Variants in TUSC3 observed in about 807,000 individuals in gnomAD.
The protein encoded by TUSC3 is tumor suppressor candidate 3.
TUSC3 carries 45 observed loss-of-function variants against 44.8 expected under a neutral mutation model. The observed-to-expected ratio is 1.00, with a 90% confidence interval of 0.79 to 1.29. The LOEUF is 1.29. TUSC3 is among the 50% of genes most tolerant of loss of function. TUSC3 has a pLI of 0.00. For synonymous variants in TUSC3, 212 were observed against 152.9 expected (o/e 1.39, Z -2.85); for missense variants, 519 against 437.9 (o/e 1.19, Z -1.65).
the TUSC3 span, among the ~76,000 whole-genome samples, chr8:15,823,032 C>G: frequency 0.14 from 21,408 of 151,960 alleles, 1,668 homozygotes; most frequent in East Asian, 0.25. Flanking sequence ...TTTTTCTTTT[C>G]TAAAGGAAGA....
the TUSC3 span, among the ~76,000 whole-genome samples, chr8:15,786,941 CAAAAAAAA>C: frequency 9.5e-5 from 6 of 63,376 alleles, no homozygotes; most frequent in African/African-American, 3.9e-4. Flanking sequence ...GAGACTCCAT[CAAAAAAAA>C]AAAAAAAAAA....
intron 2 of TUSC3, among the ~76,000 whole-genome samples, chr8:15,534,547 G>A (rs1801495727): frequency 6.6e-6 from 1 of 151,584 alleles, no homozygotes; most frequent in Non-Finnish European, 1.5e-5. Flanking sequence ...GGAGGCTGAG[G>A]CAGGAGAATG....
intron 5 of TUSC3, among the ~76,000 whole-genome samples, chr8:15,668,832 C>T (rs1390929931): frequency 6.6e-6 from 1 of 151,628 alleles, no homozygotes; most frequent in Non-Finnish European, 1.5e-5. Flanking sequence ...CTGTATGAAA[C>T]TTTAGATACC....
chr8:15,445,582 C>T (rs1449039280), intron 1 of TUSC3, among the ~76,000 whole-genome samples: 1 of 152,148 alleles, frequency 6.6e-6, no homozygotes, highest in Non-Finnish European at 1.5e-5. Context: ...GCCCTTAATC[C>T]ATTTAACCCT....
At chr8:15,507,160 G>GC (rs1298268586) in intron 2 of TUSC3, among the ~76,000 whole-genome samples, 1 of 152,056 alleles carries the variant, frequency 6.6e-6, no homozygotes, top group African/African-American at 2.4e-5. Context: ...GCTCCCCCTT[G>GC]CCCTCCATAG....
chr8:15,837,658 T>C, the TUSC3 span, among the ~76,000 whole-genome samples: 1 of 152,194 alleles, frequency 6.6e-6, no homozygotes, highest in Non-Finnish European at 1.5e-5. Flanking sequence ...TGTTGTCTTG[T>C]TATCACTCAC....
Position 15,757,810 on chromosome 8 carries a change from G to T in TUSC3, c.*1G>T. 1 of 1,425,526 alleles carries T rather than the reference G, an allele frequency of 7.0e-7. No homozygotes were observed. The highest frequency in any genetic ancestry group is 9.9e-7 in the Non-Finnish European group (1 of 1,008,182). The allele number at this position is 1,425,526 out of a possible 1,614,324, so 88.3% of individuals were successfully genotyped here. On this transcript the variant is annotated 3_prime_UTR_variant, in exon 10 of 11. Coordinates refer to ENST00000503731, the MANE Select transcript of TUSC3 (RefSeq NM_006765.4). Reference sequence around the variant, plus strand: ...GGAAAGTGATCTGGACTTTGAGTGAGAAGATGTGATTTGGACCATGGCACT... The same window carrying T: ...GGAAAGTGATCTGGACTTTGAGTGATAAGATGTGATTTGGACCATGGCACT...
chr8:15,676,777 T>G (rs189389133), intron 6 of TUSC3, among the ~76,000 whole-genome samples: 19 of 152,296 alleles, frequency 1.2e-4, no homozygotes, highest in East Asian at 1.2e-3. Flanking sequence ...GTATTGAAAG[T>G]GAGAAGCCTA....
chr8:15,562,439 A>G (rs1042585920), intron 1 of TUSC3, among the ~76,000 whole-genome samples: 4 of 152,150 alleles, frequency 2.6e-5, no homozygotes, highest in African/African-American at 9.7e-5. Flanking sequence ...TTGTGGGTAT[A>G]TTAGTTTTAT....
chr8:15,564,575 T>G (rs1429427298), intron 1 of TUSC3, among the ~76,000 whole-genome samples: 4 of 152,128 alleles, frequency 2.6e-5, no homozygotes, highest in African/African-American at 9.7e-5. Flanking sequence ...TTTCATTCTT[T>G]TATTAGATTT....
intron 6 of TUSC3, among the ~76,000 whole-genome samples, chr8:15,697,849 A>G (rs1809237274): frequency 6.6e-6 from 1 of 152,224 alleles, no homozygotes. Flanking sequence ...TATACAATGC[A>G]AAGATTATTA....
chr8:15,595,062 G>T (rs1423429616), intron 1 of TUSC3, among the ~76,000 whole-genome samples: 1 of 152,132 alleles, frequency 6.6e-6, no homozygotes, highest in Non-Finnish European at 1.5e-5. Context: ...AACAGAACTT[G>T]GGCTATTCCC....
chr8:15,536,380 C>T (rs953691960), upstream of TUSC3, among the ~76,000 whole-genome samples: 1 of 151,934 alleles, frequency 6.6e-6, no homozygotes, highest in African/African-American at 2.4e-5. Flanking sequence ...AGACACTTTA[C>T]CAAGAAAAGA....
At chr8:15,652,690 C>G (rs187377828) in intron 3 of TUSC3, among the ~76,000 whole-genome samples, 1 of 152,070 alleles carries the variant, frequency 6.6e-6, no homozygotes, top group East Asian at 1.9e-4. Context: ...TAATAGATCT[C>G]TATAGAATCT....
intron 1 of TUSC3, among the ~76,000 whole-genome samples, chr8:15,581,604 CG>C (rs1437963194): frequency 6.8e-6 from 1 of 146,642 alleles, no homozygotes; most frequent in Non-Finnish European, 1.5e-5. Context: ...GCCCCTGCTG[CG>C]GGGTGCCTCC....
intron 1 of TUSC3, among the ~76,000 whole-genome samples, chr8:15,423,989 T>TTG (rs1799774249): frequency 1.5e-5 from 2 of 130,878 alleles, no homozygotes; most frequent in Admixed American, 1.6e-4. Flanking sequence ...TTTTTTTTTT[T>TTG]TTTTTTTTTT....
At chr8:15,608,981 T>C (rs924644173) in intron 1 of TUSC3, among the ~76,000 whole-genome samples, 1 of 152,164 alleles carries the variant, frequency 6.6e-6, no homozygotes, top group Non-Finnish European at 1.5e-5. Flanking sequence ...TTAAACACTG[T>C]TTAAGTTGAT....
chr8:15,824,916 G>T, the TUSC3 span, among the ~76,000 whole-genome samples: 1 of 152,148 alleles, frequency 6.6e-6, no homozygotes, highest in Non-Finnish European at 1.5e-5. Flanking sequence ...GTGAAATTCA[G>T]TTACAGTGCT....
chr8:15,548,076 A>G (rs1801934989), intron 1 of TUSC3, among the ~76,000 whole-genome samples: 1 of 151,692 alleles, frequency 6.6e-6, no homozygotes, highest in Admixed American at 6.6e-5. Flanking sequence ...GAACCCGACC[A>G]TGCTGGAACT....
Sources: gnomAD v4.1 joint callset for allele counts (sites outside exome capture counted in the v4.1 genomes callset) on GRCh38, gnomAD v4.1.1 for gene constraint, MANE v1.5 for transcripts, NCBI Gene and HGNC (gene_info 2026-07-23, HGNC 2026-07-21) for gene names.